Variants in ZDHHC7 observed in about 807,000 individuals in gnomAD.
ZDHHC7 encodes the protein zDHHC palmitoyltransferase 7, also known as palmitoyltransferase ZDHHC7.
A neutral mutation model predicts 34.1 loss-of-function variants in ZDHHC7; 12 were observed. That is an observed-to-expected ratio of 0.35 (90% confidence interval 0.23 to 0.57). ZDHHC7 has a LOEUF of 0.57. Among genes scored for constraint, ZDHHC7 ranks in the 20% least tolerant of loss-of-function variants. ZDHHC7 has a pLI of 0.84. For synonymous variants in ZDHHC7, 185 were observed against 155.4 expected (o/e 1.19, Z -1.42); for missense variants, 388 against 402.7 (o/e 0.96, Z 0.31).
At chr16:84,999,941 C>T (rs2072632020) in intron 1 of ZDHHC7, among the ~76,000 whole-genome samples, 1 of 152,080 alleles carries the variant, frequency 6.6e-6, no homozygotes, top group South Asian at 2.1e-4. Context: ...CCCAAGAGTT[C>T]AAGACTAATC....
upstream of ZDHHC7, among the ~76,000 whole-genome samples, chr16:85,015,897 G>C (rs1441318239): frequency 2.6e-5 from 4 of 152,022 alleles, no homozygotes; most frequent in Non-Finnish European, 1.5e-5. Flanking sequence ...CCTGCTATCT[G>C]TCATGTGATG....
chr16:84,986,700 CT>C, intron 3 of ZDHHC7, among the ~76,000 whole-genome samples: 1 of 152,320 alleles, frequency 6.6e-6, no homozygotes, highest in South Asian at 2.1e-4. Context: ...GCACCAATGA[CT>C]TTCCTCAAGT....
At chr16:85,011,591 G>A (rs184452976), upstream of ZDHHC7, 2 of 152,246 alleles carry the variant, frequency 1.3e-5, no homozygotes, top group African/African-American at 4.8e-5. Context: ...CGCAGCTCTC[G>A]CGGAGAGGGG....
chr16:84,999,606 G>C (rs1231544547), intron 1 of ZDHHC7, among the ~76,000 whole-genome samples: 3 of 152,192 alleles, frequency 2.0e-5, no homozygotes, highest in Non-Finnish European at 4.4e-5. Flanking sequence ...AAAGAAGCCA[G>C]ACACGGAAGA....
chr16:84,990,823 C>T (rs2072500210), intron 2 of ZDHHC7, among the ~76,000 whole-genome samples, 188 bp from the exon 3 acceptor site: 1 of 151,992 alleles, frequency 6.6e-6, no homozygotes, highest in Non-Finnish European at 1.5e-5. Flanking sequence ...TGCTTTACTA[C>T]AACACAGTAA....
intron 3 of ZDHHC7, among the ~76,000 whole-genome samples, chr16:84,985,048 G>A (rs180709498): frequency 2.0e-5 from 3 of 151,272 alleles, no homozygotes; most frequent in East Asian, 1.9e-4. Context: ...TTTTCGGGAC[G>A]TTTTTTTCTA....
intron 2 of ZDHHC7, among the ~76,000 whole-genome samples, chr16:84,994,353 C>T (rs548225585): frequency 2.6e-5 from 4 of 152,328 alleles, no homozygotes; most frequent in African/African-American, 9.6e-5. Context: ...TACATCAAGG[C>T]CGTAAGCTGA....
intron 7 of ZDHHC7, 33 bp from the exon 8 acceptor site, chr16:84,976,552 C>A: frequency 6.2e-7 from 1 of 1,603,784 alleles, no homozygotes; most frequent in East Asian, 2.2e-5. Flanking sequence ...GTGGCAGCGG[C>A]TCCAGGAAGC....
chr16:84,983,495 C>CA (rs1480811370), intron 3 of ZDHHC7, among the ~76,000 whole-genome samples: 1 of 152,154 alleles, frequency 6.6e-6, no homozygotes, highest in African/African-American at 2.4e-5. Context: ...CCTTGGGCAG[C>CA]ACAGGCAGGG....
chr16:85,000,880 G>A (rs1391822039), intron 1 of ZDHHC7, among the ~76,000 whole-genome samples: 1 of 152,226 alleles, frequency 6.6e-6, no homozygotes, highest in African/African-American at 2.4e-5. Context: ...TAGCAGCAAA[G>A]TGTGATCAGG....
chr16:84,989,702 A>G (rs1454188326), intron 3 of ZDHHC7, among the ~76,000 whole-genome samples: 1 of 125,676 alleles, frequency 8.0e-6, no homozygotes. Flanking sequence ...CTCAAAAAAA[A>G]AAAAAAAAAA....
chr16:85,000,586 T>G (rs1033359951), intron 1 of ZDHHC7, among the ~76,000 whole-genome samples: 2 of 152,184 alleles, frequency 1.3e-5, no homozygotes, highest in African/African-American at 2.4e-5. Context: ...AAAATACTAT[T>G]TAAACTTGTC....
chr16:84,982,777 C>T (rs898207963), intron 3 of ZDHHC7, among the ~76,000 whole-genome samples: 2 of 152,248 alleles, frequency 1.3e-5, no homozygotes, highest in Non-Finnish European at 2.9e-5. Context: ...CTTGAACATG[C>T]ATCCATCTGT....
At chr16:85,016,459 CTTTG>C (rs975178294), upstream of ZDHHC7, among the ~76,000 whole-genome samples, 14 of 151,718 alleles carry the variant, frequency 9.2e-5, no homozygotes, top group East Asian at 1.9e-4. Flanking sequence ...TTATTAAAAT[CTTTG>C]TTTGGTGAGA....
At chr16:84,982,743 G>C (rs892749588) in intron 3 of ZDHHC7, among the ~76,000 whole-genome samples, 1 of 152,244 alleles carries the variant, frequency 6.6e-6, no homozygotes, top group Non-Finnish European at 1.5e-5. Context: ...GTCTGGCAAC[G>C]AGGCCGCCCA....
At chr16:85,011,108 G>A (rs1274202970) in intron 1 of ZDHHC7, among the ~76,000 whole-genome samples, 178 bp downstream of exon 1, 1 of 152,238 alleles carries the variant, frequency 6.6e-6, no homozygotes, top group Non-Finnish European at 1.5e-5. Flanking sequence ...GGGGGCACCT[G>A]GAAGGGAAGT....
the ZDHHC7 span, among the ~76,000 whole-genome samples, chr16:85,022,756 G>A: frequency 6.6e-6 from 1 of 152,146 alleles, no homozygotes; most frequent in Non-Finnish European, 1.5e-5. Context: ...CACCAATAAT[G>A]AGACAAATAG....
At chr16:84,981,720 G>C (rs2072370710) in intron 4 of ZDHHC7, 150 bp downstream of exon 4, 4 of 1,470,398 alleles carry the variant, frequency 2.7e-6, no homozygotes, top group Non-Finnish European at 2.8e-6. Context: ...ACCCCAGAAA[G>C]AACATGACAC....
chr16:84,998,240 G>A (rs1225905390), intron 1 of ZDHHC7, among the ~76,000 whole-genome samples: 1 of 151,032 alleles, frequency 6.6e-6, no homozygotes, highest in East Asian at 2.0e-4. Flanking sequence ...CTCCAGCCTG[G>A]GTGACAGAGC....
Sources: allele counts gnomAD v4.1 joint callset (sites outside exome capture counted in the v4.1 genomes callset), GRCh38; gene constraint gnomAD v4.1.1; transcripts MANE v1.5; gene names NCBI Gene and HGNC (gene_info 2026-07-23, HGNC 2026-07-21).